PTK2: variants seen among roughly 807,000 people sequenced by gnomAD.
PTK2 encodes the protein focal adhesion kinase 1.
In PTK2, 45 loss-of-function variants were observed where a neutral mutation model predicts 150.1. The ratio of observed to expected loss-of-function variants is 0.30; its 90% CI spans 0.24 to 0.38. The LOEUF (loss-of-function observed/expected upper bound fraction) is 0.38. Ranked by LOEUF, PTK2 falls within the 10% of genes least tolerant of loss-of-function variation. The pLI, the probability that PTK2 is intolerant of heterozygous loss-of-function variation, is 1.00. For synonymous variants in PTK2, 432 were observed against 449.2 expected (o/e 0.96, Z 0.48); for missense variants, 919 against 1,307.3 (o/e 0.70, Z 4.58).
intron 2 of PTK2, among the ~76,000 whole-genome samples, chr8:140,901,867 G>A (rs1366677805): frequency 3.3e-5 from 5 of 151,804 alleles, no homozygotes; most frequent in African/African-American, 1.2e-4. Flanking sequence ...TCCATGTGTT[G>A]TCATTGTTCA....
At chr8:140,733,783 G>A (rs1478817150) in intron 22 of PTK2, among the ~76,000 whole-genome samples, 1 of 152,206 alleles carries the variant, frequency 6.6e-6, no homozygotes, top group East Asian at 1.9e-4. Context: ...GCAGAGTAGG[G>A]TTGTTCTATG....
At chr8:140,980,418 C>T (rs538091632) in intron 1 of PTK2, among the ~76,000 whole-genome samples, 2 of 151,990 alleles carry the variant, frequency 1.3e-5, no homozygotes, top group Non-Finnish European at 2.9e-5. Flanking sequence ...GTCAGGAGAT[C>T]GAGACCATCC....
intron 10 of PTK2, among the ~76,000 whole-genome samples, chr8:140,810,219 T>C (rs1325210618): frequency 6.6e-6 from 1 of 152,174 alleles, no homozygotes; most frequent in Non-Finnish European, 1.5e-5. Flanking sequence ...GTGCTAGGGA[T>C]TGCAGCCAGC....
intron 27 of PTK2, among the ~76,000 whole-genome samples, chr8:140,681,038 G>A (rs542119413): frequency 1.3e-5 from 2 of 152,256 alleles, no homozygotes; most frequent in Non-Finnish European, 2.9e-5. Context: ...TGGAAATTTG[G>A]CGTTGGTTTG....
chr8:140,817,693 C>T (rs1226701853), intron 10 of PTK2, among the ~76,000 whole-genome samples: 1 of 152,068 alleles, frequency 6.6e-6, no homozygotes, highest in African/African-American at 2.4e-5. Flanking sequence ...TATCTCAAAC[C>T]TCTAGACTGC....
intron 29 of PTK2, among the ~76,000 whole-genome samples, chr8:140,670,674 G>A (rs2153175449): frequency 6.6e-6 from 1 of 151,990 alleles, no homozygotes; most frequent in East Asian, 1.9e-4. Context: ...CTCAAGCCAG[G>A]GCGCTATCCT....
chr8:141,001,387 C>G (rs528020751), upstream of PTK2: 20 of 151,058 alleles, frequency 1.3e-4, no homozygotes, highest in African/African-American at 4.8e-4. Context: ...GTTCCCGCCT[C>G]TCGGGGGGAC....
At chr8:140,823,128 AG>A (rs1463530863) in intron 8 of PTK2, among the ~76,000 whole-genome samples, 1 of 152,228 alleles carries the variant, frequency 6.6e-6, no homozygotes, top group Non-Finnish European at 1.5e-5. Flanking sequence ...AGCAGTTGCA[AG>A]GAACAGTTGT....
chr8:140,847,599 C>T (rs2100126352), intron 5 of PTK2, among the ~76,000 whole-genome samples: 2 of 152,192 alleles, frequency 1.3e-5, no homozygotes, highest in Admixed American at 1.3e-4. Context: ...TTCAGCAGTA[C>T]ACCTGTGTTA....
chr8:140,754,388 T>C (rs2100064487), intron 16 of PTK2, among the ~76,000 whole-genome samples: 1 of 152,236 alleles, frequency 6.6e-6, no homozygotes, highest in Admixed American at 6.5e-5. Flanking sequence ...AATTAGACTG[T>C]GTACTTCTTT....
intron 10 of PTK2, among the ~76,000 whole-genome samples, chr8:140,812,401 G>A (rs1036354886): frequency 6.6e-6 from 1 of 152,202 alleles, no homozygotes; most frequent in Non-Finnish European, 1.5e-5. Flanking sequence ...CCTGAAAGGA[G>A]CACTAAATAT....
At chr8:140,959,484 A>G (rs2100182340) in intron 1 of PTK2, among the ~76,000 whole-genome samples, 1 of 148,402 alleles carries the variant, frequency 6.7e-6, no homozygotes, top group Non-Finnish European at 1.5e-5. Flanking sequence ...GCTTGCAGTG[A>G]GCGGAGATCA....
At chr8:140,680,273 G>T (rs1248647423) in intron 27 of PTK2, among the ~76,000 whole-genome samples, 1 of 152,100 alleles carries the variant, frequency 6.6e-6, no homozygotes, top group Non-Finnish European at 1.5e-5. Flanking sequence ...TTTGGCTCAG[G>T]CTGGAGTCCA....
intron 24 of PTK2, among the ~76,000 whole-genome samples, chr8:140,705,313 C>T (rs934656210): frequency 6.6e-6 from 1 of 152,184 alleles, no homozygotes; most frequent in African/African-American, 2.4e-5. Context: ...AGGTTAAGTA[C>T]TGACACCTTC....
intron 25 of PTK2, among the ~76,000 whole-genome samples, chr8:140,701,852 T>C (rs11986785): frequency 0.44 from 67,266 of 151,512 alleles, 15,783 homozygotes; most frequent in Non-Finnish European, 0.54. Flanking sequence ...TATGACCGGG[T>C]GTGGTGGCTC....
At chr8:140,832,949 T>C (rs1184212346) in intron 7 of PTK2, 1 of 519,056 alleles carries the variant, frequency 1.9e-6, no homozygotes, top group Non-Finnish European at 3.8e-6. Context: ...TCTCCGCCAC[T>C]GTGTGGCTGT....
chr8:140,717,209 A>T (rs556828474), intron 23 of PTK2, among the ~76,000 whole-genome samples: 21 of 152,364 alleles, frequency 1.4e-4, no homozygotes, highest in African/African-American at 4.8e-4. Context: ...GTAGAGACAG[A>T]CTCATTTTTA....
chr8:140,771,769 T>G (rs908635626), intron 14 of PTK2, among the ~76,000 whole-genome samples: 1 of 150,686 alleles, frequency 6.6e-6, no homozygotes, highest in African/African-American at 2.5e-5. Context: ...TATGCTTTGA[T>G]CCTATTAACA....
At chr8:140,867,282 C>A (rs907324075) in intron 4 of PTK2, among the ~76,000 whole-genome samples, 3 of 152,094 alleles carry the variant, frequency 2.0e-5, no homozygotes, top group African/African-American at 7.2e-5. Flanking sequence ...GAGGAGACAG[C>A]AAGATTCTGG....
Sources: gnomAD v4.1 joint callset for allele counts (sites outside exome capture counted in the v4.1 genomes callset) on GRCh38, gnomAD v4.1.1 for gene constraint, MANE v1.5 for transcripts, NCBI Gene and HGNC (gene_info 2026-07-23, HGNC 2026-07-21) for gene names.